The following MYH10 variants were observed in gnomAD, a reference collection of about 807,000 sequenced individuals.
MYH10 encodes the protein myosin-10.
In MYH10, 55 loss-of-function variants were observed where a neutral mutation model predicts 257.8. The observed-to-expected ratio is 0.21, with a 90% CI of 0.17 to 0.27. MYH10 has a LOEUF of 0.27. Among genes scored for constraint, MYH10 ranks in the 10% least tolerant of loss-of-function variants. The pLI is 1.00. For missense variants in MYH10, 1,631 were observed against 2,500.6 expected, an observed-to-expected ratio of 0.65 and a Z score of 7.42; for synonymous variants, 854 against 921.7, an observed-to-expected ratio of 0.93 and a Z score of 1.33.
chr17:8,531,189 C>T (rs1349433893), intron 16 of MYH10, among the ~76,000 whole-genome samples: 2 of 152,028 alleles, frequency 1.3e-5, no homozygotes, highest in Admixed American at 1.3e-4. Context: ...TACAAATTAC[C>T]ATATGACAGA....
intron 2 of MYH10, among the ~76,000 whole-genome samples, chr17:8,613,489 T>C (rs554737031): frequency 2.0e-5 from 3 of 152,276 alleles, no homozygotes; most frequent in Admixed American, 6.5e-5. Context: ...CTACCTATCA[T>C]GATCTACAAA....
intron 4 of MYH10, among the ~76,000 whole-genome samples, chr17:8,580,420 A>G (rs1292376931): frequency 1.3e-5 from 2 of 151,610 alleles, no homozygotes; most frequent in African/African-American, 4.8e-5. Context: ...TTTTAGGAGA[A>G]ATGATGTCTT....
chr17:8,574,800 A>G (rs188436900), intron 6 of MYH10, among the ~76,000 whole-genome samples: 151 of 152,358 alleles, frequency 9.9e-4, no homozygotes, highest in Admixed American at 1.6e-3. Flanking sequence ...CACTGTAACT[A>G]TAACTTTAAG....
chr17:8,536,174 T>C (rs946352707), intron 14 of MYH10, among the ~76,000 whole-genome samples: 13 of 152,072 alleles, frequency 8.5e-5, no homozygotes, highest in African/African-American at 3.1e-4. Context: ...AAATACTGTA[T>C]GTAAATTGCA....
At chr17:8,561,037 C>T in intron 7 of MYH10, 1 of 568,040 alleles carries the variant, frequency 1.8e-6, no homozygotes. Flanking sequence ...CCCTCCATCC[C>T]ACTTGCTCAC....
chr17:8,509,533 C>G (rs1014348558), intron 25 of MYH10, among the ~76,000 whole-genome samples: 1 of 152,190 alleles, frequency 6.6e-6, no homozygotes, highest in Non-Finnish European at 1.5e-5. Context: ...AATGCTTGCA[C>G]AGATGGAGAC....
chr17:8,506,221 C>G lies in MYH10; in HGVS notation c.3386+97G>C. 7.8e-7 allele frequency: 1 copy of G among 1,280,976 alleles called. No individual in the cohort carries two copies. The highest frequency in any genetic ancestry group is 1.0e-6 in the Non-Finnish European group (1 of 958,816). The allele number at this position is 1,280,976 out of a possible 1,614,324, so 79.4% of individuals were successfully genotyped here. ...ACCAAACAGCAAGCAAACCCCATCT[C>G]ACTCTCCCAGGGTTTTTGAATGCTC... is the stretch of plus-strand genomic sequence containing the variant. On this transcript the variant is annotated intron_variant, in intron 27 of 42. Coordinates refer to ENST00000360416, the MANE Select transcript of MYH10 (RefSeq NM_001256012.3). This position sits in a 1 kb window ranked among gnomAD's most constrained non-coding sequence, Gnocchi z 5.0.
chr17:8,549,488 A>G (rs2082552340), intron 9 of MYH10, among the ~76,000 whole-genome samples: 1 of 152,212 alleles, frequency 6.6e-6, no homozygotes. Flanking sequence ...GGAGTGCTCA[A>G]AATAGCAGGG....
rs535367807 is a variant in MYH10, at chr17:8,527,320, C to T, written c.1957+3303G>A. On this transcript the variant is annotated intron_variant, in intron 17 of 42. Coordinates refer to ENST00000360416, the MANE Select transcript of MYH10 (RefSeq NM_001256012.3). ...AAGGAGAAAGCAATCTTCTTTATCC[C>T]AAGCACTAGTCTCAAGCCAAACTTG... Among the ~76,000 whole-genome samples the T allele has an allele frequency of 5.2e-4, 79 of 152,308 alleles. 1 individual carries two copies. The highest frequency in any genetic ancestry group is 1.7e-3 in the African/African-American group (72 of 41,568).
chr17:8,584,542 T>C (rs1831764691), intron 4 of MYH10, among the ~76,000 whole-genome samples: 2 of 152,220 alleles, frequency 1.3e-5, no homozygotes, highest in South Asian at 4.1e-4. Context: ...AGTGATTGGA[T>C]ACACACTGTT....
At chr17:8,629,582 C>A (rs1472125862) in intron 1 of MYH10, among the ~76,000 whole-genome samples, 1 of 152,186 alleles carries the variant, frequency 6.6e-6, no homozygotes, top group Non-Finnish European at 1.5e-5. Flanking sequence ...AAAGCCCCCA[C>A]AAATGCCAGG....
Position 8,480,515 on chromosome 17 carries a change from G to A in MYH10, c.5275C>T (p.Leu1759=). The A allele has an allele frequency of 6.2e-7, 1 of 1,608,576 alleles. No homozygotes were observed. Among genetic ancestry groups the A allele is most frequent in the Non-Finnish European group, 8.5e-7 (1 of 1,179,830 alleles). ...TNSASGKSAL[L]DEKRRLEARI... ...GCTTCCAGACGCCGCTTCTCATCCAGCAGCGCGGACCTGGCGGGGAGAGGA... is the reference window on the plus strand; with the variant it reads ...GCTTCCAGACGCCGCTTCTCATCCAACAGCGCGGACCTGGCGGGGAGAGGA... The change falls in exon 39 of 43, where the codon CTG becomes TTG. Residue 1759 remains leucine, a synonymous_variant. Coordinates refer to ENST00000360416, the MANE Select transcript of MYH10 (RefSeq NM_001256012.3).
At chr17:8,492,161 C>CT (rs1159121791) in intron 34 of MYH10, 136 bp downstream of exon 34, 7 of 830,816 alleles carry the variant, frequency 8.4e-6, no homozygotes, top group Non-Finnish European at 1.9e-6. Context: ...CAAAACACTC[C>CT]TAGATGGCTT....
rs528068198 is a variant in MYH10, at chr17:8,518,221, C to T, written c.2504+410G>A. 2.0e-3 allele frequency among the ~76,000 whole-genome samples: 305 copies of T among 149,584 alleles called. 1 individual carries two copies. The highest frequency in any genetic ancestry group is 4.2e-3 in the African/African-American group (172 of 40,640). ...CATCTTGGCTTATTGCAGCCTTGACCTCCTGGGTTCAAGAGATCCTCCCGC... is the reference window on the plus strand; with the variant it reads ...CATCTTGGCTTATTGCAGCCTTGACTTCCTGGGTTCAAGAGATCCTCCCGC... On this transcript the variant is annotated intron_variant, in intron 21 of 42. Coordinates refer to ENST00000360416, the MANE Select transcript of MYH10 (RefSeq NM_001256012.3).
rs769398176 is a variant in MYH10, at chr17:8,480,330, A to G, written c.5389-12T>C. 1 of 1,613,414 alleles carries G rather than the reference A, an allele frequency of 6.2e-7. No individual in the cohort carries two copies. Among genetic ancestry groups the G allele is most frequent in the Admixed American group, 1.7e-5 (1 of 59,980 alleles). On this transcript the variant is annotated splice_polypyrimidine_tract_variant and intron_variant, in intron 39 of 42. Coordinates refer to ENST00000360416, the MANE Select transcript of MYH10 (RefSeq NM_001256012.3). ...TTCAGTGTGTCCACCTAGAGAGGAG[A>G]GAGGAGTTTAGTCACTTGTGCCTGA...
rs1285327208 is a variant in MYH10 at position 8,513,667 on chromosome 17, C to T, written c.2616G>A (p.Val872=). 3 of 1,608,168 alleles carry T rather than the reference C, an allele frequency of 1.9e-6. No homozygotes were observed. The highest frequency in any genetic ancestry group is 1.7e-4 in the Middle Eastern group (1 of 6,046). The change falls in exon 23 of 43, where the codon GTG becomes GTA. Residue 872 remains valine (V), a splice_region_variant and synonymous_variant. Coordinates refer to ENST00000360416, the MANE Select transcript of MYH10 (RefSeq NM_001256012.3). ...HWQWWRVFTK[V]KPLLQVTRQE... ...GGCGAGTCACTTGTAGAAGCGGCTT[C>T]ACCTATGACAAAATTAAGCAGTTTT...
chr17:8,503,047 C>T (rs866006328), intron 28 of MYH10, among the ~76,000 whole-genome samples: 1 of 152,206 alleles, frequency 6.6e-6, no homozygotes, highest in Non-Finnish European at 1.5e-5. Flanking sequence ...CTTTGGGAGG[C>T]CAAGGCGGGC....
chr17:8,478,153 C>T (rs180886514), intron 41 of MYH10, among the ~76,000 whole-genome samples, 185 bp downstream of exon 41: 1 of 152,306 alleles, frequency 6.6e-6, no homozygotes, highest in African/African-American at 2.4e-5. Context: ...GCTTCCTGAC[C>T]TGCTCTCCCC....
At chr17:8,613,163 C>G (rs2085109953) in intron 2 of MYH10, among the ~76,000 whole-genome samples, 1 of 152,072 alleles carries the variant, frequency 6.6e-6, no homozygotes, top group African/African-American at 2.4e-5. Context: ...AGACGAAAGG[C>G]AGAACCCGAT....
Sources: allele counts gnomAD v4.1 joint callset (sites outside exome capture counted in the v4.1 genomes callset), GRCh38; gene constraint gnomAD v4.1.1; non-coding constraint Gnocchi (gnomAD v3.1); transcripts MANE v1.5; gene names NCBI Gene and HGNC (gene_info 2026-07-23, HGNC 2026-07-21).